Variants in KCNJ10 observed in about 807,000 individuals in gnomAD.
KCNJ10 encodes potassium inwardly rectifying channel subfamily J member 10, also known as ATP-sensitive inward rectifier potassium channel 10.
A neutral mutation model predicts 22.2 loss-of-function variants in KCNJ10; 9 were observed. The observed-to-expected ratio is 0.40, with a 90% CI of 0.24 to 0.71. KCNJ10 has a LOEUF of 0.71. Among genes scored for constraint, KCNJ10 ranks in the 30% least tolerant of loss-of-function variants. The probability of loss-of-function intolerance (pLI) is 0.35; values close to 1 mark genes in which losing one functional copy is unlikely to be tolerated. For missense variants in KCNJ10, 337 were observed against 482.7 expected (o/e 0.70, Z 2.83); for synonymous variants, 184 against 187.3 (o/e 0.98, Z 0.15).
chr1:160,060,859 T>A (rs1319998560), intron 1 of KCNJ10, among the ~76,000 whole-genome samples: 3 of 152,152 alleles, frequency 2.0e-5, no homozygotes, highest in Non-Finnish European at 4.4e-5. Context: ...CATGAAGGAC[T>A]TATAATTGAT....
chr1:160,059,606 C>T (rs1189060809), intron 1 of KCNJ10, among the ~76,000 whole-genome samples: 1 of 152,208 alleles, frequency 6.6e-6, no homozygotes, highest in Non-Finnish European at 1.5e-5. Flanking sequence ...GTCTCCCTCA[C>T]CCCTGCAGAA....
rs1051935915 is a variant in KCNJ10, at chr1:160,037,970, A to C, written c.*3423T>G. On this transcript the variant is annotated 3_prime_UTR_variant, in exon 2 of 2. Coordinates refer to ENST00000644903, the MANE Select transcript of KCNJ10 (RefSeq NM_002241.5). ...TTTCATTCAGAAGCATCAAAACCAA[A>C]GCATCACCCTCCATGCCCAAATGCC... The C allele has an allele frequency of 3.9e-5, 6 of 152,284 alleles. No individual in the cohort carries two copies. The highest frequency in any genetic ancestry group is 1.4e-4 in the African/African-American group (6 of 41,460). 9.4% of individuals were successfully genotyped at this position (152,284 alleles called of 1,614,324 possible).
chr1:160,068,286 C>T (rs1649371077), intron 1 of KCNJ10, among the ~76,000 whole-genome samples: 1 of 106,828 alleles, frequency 9.4e-6, no homozygotes, highest in Non-Finnish European at 2.1e-5. Flanking sequence ...TCCCACTCCC[C>T]ACCCACCCTC....
At chr1:160,062,521 G>A (rs1649228119) in intron 1 of KCNJ10, 1 of 152,342 alleles carries the variant, frequency 6.6e-6, no homozygotes, top group African/African-American at 2.4e-5. Flanking sequence ...GGCCCACAGG[G>A]GCTCCCCTGG....
At chr1:160,045,561 T>A (rs139157273) in intron 1 of KCNJ10, among the ~76,000 whole-genome samples, 1 of 152,332 alleles carries the variant, frequency 6.6e-6, no homozygotes, top group African/African-American at 2.4e-5. Flanking sequence ...AATAATCCAA[T>A]ATGAGTTATT....
At chr1:160,049,695 A>ATATATATATATATATTTATT (rs1648849511) in intron 1 of KCNJ10, among the ~76,000 whole-genome samples, 2 of 120,526 alleles carry the variant, frequency 1.7e-5, no homozygotes, top group Non-Finnish European at 3.5e-5. Flanking sequence ...ATATATATAT[A>ATATATATATATATATTTATT]TATATATATA....
chr1:160,042,550 G>A lies in KCNJ10; in HGVS notation c.1-18C>T. The A allele has an allele frequency of 6.2e-7, 1 of 1,610,520 alleles. No homozygotes were observed. The highest frequency in any genetic ancestry group is 8.5e-7 in the Non-Finnish European group (1 of 1,177,560). ...GACGTCATCTGGAGGGAGCAAGACAGCATAATGGAGGTTATCGTAGAAATC... is the reference window on the plus strand; with the variant it reads ...GACGTCATCTGGAGGGAGCAAGACAACATAATGGAGGTTATCGTAGAAATC... On this transcript the variant is annotated intron_variant, in intron 1 of 1. Transcript: ENST00000644903.
Position 160,041,071 on chromosome 1 carries a change from C to T in KCNJ10, c.*322G>A. 2.4e-6 allele frequency: 1 copy of T among 413,012 alleles called. No homozygotes were observed. The highest frequency in any genetic ancestry group is 4.6e-5 in the East Asian group (1 of 21,960). 25.6% of individuals were successfully genotyped at this position (413,012 alleles called of 1,614,324 possible). A position where few individuals can be genotyped will look rare whatever the true frequency, so the allele number is the denominator to read the frequency against. On this transcript the variant is annotated 3_prime_UTR_variant, in exon 2 of 2. Transcript: ENST00000644903. The surrounding 1 kb of genome is among the most constrained non-coding windows in gnomAD (Gnocchi z 4.4). Reference sequence around the variant, plus strand: ...GGAGGTAGGGGGCAGTCTATCCTTCCAACCACATGGTCCTCCTAATGTGAG... The same window carrying T: ...GGAGGTAGGGGGCAGTCTATCCTTCTAACCACATGGTCCTCCTAATGTGAG...
In KCNJ10 at chr1:160,039,473, G is replaced by A. The variant is rs1648554155; in HGVS notation, c.*1920C>T. On this transcript the variant is annotated 3_prime_UTR_variant, in exon 2 of 2. Coordinates refer to ENST00000644903, the MANE Select transcript of KCNJ10 (RefSeq NM_002241.5). ...CTGAAAGAAATAAGGTAAGTCTAAT[G>A]TTGAATAAAGTTGAGAACGCAGAAG... 1 of 151,294 alleles carries A rather than the reference G, an allele frequency of 6.6e-6. No individual in the cohort carries two copies. Among genetic ancestry groups the A allele is most frequent in the Non-Finnish European group, 1.5e-5 (1 of 67,952 alleles). The allele number at this position is 151,294 out of a possible 1,614,324, so 9.4% of individuals were successfully genotyped here. A position where few individuals can be genotyped will look rare whatever the true frequency, so the allele number is the denominator to read the frequency against.
rs369845568 is a variant in KCNJ10, at chr1:160,061,004, T to C, written c.-1+9018A>G. Reference sequence around the variant, plus strand: ...GTAGGCTCACTCTGCCTAGGGGTAGTGCAAGGGTCAAAGTGACCTTCGGAG... The same window carrying C: ...GTAGGCTCACTCTGCCTAGGGGTAGCGCAAGGGTCAAAGTGACCTTCGGAG... On this transcript the variant is annotated intron_variant, in intron 1 of 1. Coordinates refer to ENST00000644903, the MANE Select transcript of KCNJ10 (RefSeq NM_002241.5). Among the ~76,000 whole-genome samples the C allele has an allele frequency of 9.1e-4, 139 of 152,216 alleles. 1 individual carries two copies. The South Asian group carries it at 0.016, about 18-fold the overall frequency.
intron 1 of KCNJ10, among the ~76,000 whole-genome samples, chr1:160,055,661 G>A (rs1341295803): frequency 6.6e-6 from 1 of 152,136 alleles, no homozygotes; most frequent in African/African-American, 2.4e-5. Context: ...AACACTGCAT[G>A]GGTTGTGAAC....
intron 1 of KCNJ10, among the ~76,000 whole-genome samples, chr1:160,063,914 C>G (rs987170072): frequency 5.2e-4 from 79 of 152,328 alleles, no homozygotes; most frequent in African/African-American, 1.9e-3. Context: ...TCATTTAATT[C>G]TCAACAACTC....
At chr1:160,056,224 C>T (rs1003763817) in intron 1 of KCNJ10, among the ~76,000 whole-genome samples, 6 of 152,174 alleles carry the variant, frequency 3.9e-5, no homozygotes, top group African/African-American at 7.2e-5. Flanking sequence ...TCTCGGTCCT[C>T]GGCTGCCTCA....
chr1:160,067,642 G>A (rs1434083507), intron 1 of KCNJ10, among the ~76,000 whole-genome samples: 1 of 152,186 alleles, frequency 6.6e-6, no homozygotes, highest in Admixed American at 6.5e-5. Flanking sequence ...GAGGAGGGGA[G>A]GGAGAGTGGA....
chr1:160,055,696 G>A lies in KCNJ10; in HGVS notation c.1-13164C>T, dbSNP rs147407529. Among the ~76,000 whole-genome samples, 780 of 152,244 alleles carry A rather than the reference G, an allele frequency of 5.1e-3. 9 individuals are homozygous for A. Among genetic ancestry groups the A allele is most frequent in the African/African-American group, 0.017 (714 of 41,532 alleles). ...CACTACATGTGTGCACAGTCTCACT[G>A]TTACTCTCGGACACCATGTTCTCGG... On this transcript the variant is annotated intron_variant, in intron 1 of 1. Transcript: ENST00000644903.
At chr1:160,049,768 G>T (rs1434889159) in intron 1 of KCNJ10, among the ~76,000 whole-genome samples, 2 of 135,896 alleles carry the variant, frequency 1.5e-5, no homozygotes, top group Non-Finnish European at 3.1e-5. Flanking sequence ...AAGTGCTCAA[G>T]AAGTATTTTA....
At chr1:160,066,072 G>C (rs539566426) in intron 1 of KCNJ10, among the ~76,000 whole-genome samples, 87 of 152,284 alleles carry the variant, frequency 5.7e-4, no homozygotes, top group African/African-American at 1.9e-3. Flanking sequence ...CATGGGAGCA[G>C]GAATGAGATG....
At chr1:160,058,406 G>T (rs569049926) in intron 1 of KCNJ10, among the ~76,000 whole-genome samples, 4 of 152,316 alleles carry the variant, frequency 2.6e-5, no homozygotes, top group African/African-American at 9.6e-5. Context: ...GAGTGCCTCA[G>T]TGATAAAATC....
At chr1:160,063,080 C>A (rs1399912776) in intron 1 of KCNJ10, among the ~76,000 whole-genome samples, 1 of 152,194 alleles carries the variant, frequency 6.6e-6, no homozygotes, top group Non-Finnish European at 1.5e-5. Flanking sequence ...CAGTATATGT[C>A]TAACTCCCCA....
Sources: allele counts gnomAD v4.1 joint callset (sites outside exome capture counted in the v4.1 genomes callset), GRCh38; gene constraint gnomAD v4.1.1; non-coding constraint Gnocchi (gnomAD v3.1); transcripts MANE v1.5; gene names NCBI Gene and HGNC (gene_info 2026-07-23, HGNC 2026-07-21).